CUX1: variants seen among roughly 807,000 people sequenced by gnomAD.
CUX1 encodes protein CASP.
A neutral mutation model predicts 158.8 loss-of-function variants in CUX1; 31 were observed. The observed-to-expected ratio is 0.20, with a 90% CI of 0.15 to 0.26. The LOEUF (loss-of-function observed/expected upper bound fraction) is 0.26, where lower values mean the gene tolerates loss of function less well. CUX1 is among the 10% of genes least tolerant of loss of function. The pLI, the probability that CUX1 is intolerant of heterozygous loss-of-function variation, is 1.00. For missense variants in CUX1, 1,589 were observed against 2,014.6 expected (o/e 0.79, Z 4.04); for synonymous variants, 879 against 862.1 (o/e 1.02, Z -0.34).
In CUX1 at chr7:102,270,815, A is replaced by T. The variant is rs142734672; in HGVS notation, c.1256-2551A>T. On this transcript the variant is annotated intron_variant, in intron 14 of 22. Coordinates refer to the CUX1 transcript ENST00000292538. ...CAGCTGGGAACCGGGGCAGCCTAGG[A>T]TAGAGGGTTTGCAGCCAGGATGCTC... is the stretch of plus-strand genomic sequence containing the variant. Among the ~76,000 whole-genome samples, 551 of 152,322 alleles carry T rather than the reference A, an allele frequency of 3.6e-3. 12 individuals are homozygous for T. The highest frequency in any genetic ancestry group is 0.029 in the Admixed American group (444 of 15,294).
chr7:101,821,814 A>G (rs1377745918), intron 1 of CUX1, among the ~76,000 whole-genome samples: 2 of 142,596 alleles, frequency 1.4e-5, no homozygotes, highest in African/African-American at 5.3e-5. Context: ...AGCTGGGACG[A>G]TAGGCGCCCG....
intron 2 of CUX1, among the ~76,000 whole-genome samples, chr7:101,967,492 T>G (rs963712329): frequency 1.3e-5 from 2 of 152,224 alleles, no homozygotes; most frequent in African/African-American, 4.8e-5. Context: ...TAAAAGCTTC[T>G]TGTCTGTGTG....
intron 1 of CUX1, among the ~76,000 whole-genome samples, chr7:101,828,974 G>C (rs1406092410): frequency 6.6e-6 from 1 of 150,432 alleles, no homozygotes; most frequent in Non-Finnish European, 1.5e-5. Context: ...GGGCTGGTGG[G>C]AGGGAATTCC....
chr7:101,901,536 C>T (rs879737988), intron 1 of CUX1, among the ~76,000 whole-genome samples: 2 of 152,128 alleles, frequency 1.3e-5, no homozygotes, highest in Non-Finnish European at 2.9e-5. Flanking sequence ...CTCAGGTGAT[C>T]CACCTGCCTC....
intron 1 of CUX1, among the ~76,000 whole-genome samples, chr7:101,896,174 G>T (rs376181846): frequency 2.0e-5 from 3 of 152,138 alleles, no homozygotes; most frequent in South Asian, 4.2e-4. Context: ...GATTACAGGT[G>T]TGAGCCACCA....
At chr7:102,077,528 TAAAAAAAAAA>T (rs35999980) in intron 4 of CUX1, among the ~76,000 whole-genome samples, 4 of 113,958 alleles carry the variant, frequency 3.5e-5, no homozygotes, top group African/African-American at 9.9e-5. Context: ...CCCATCTCTT[TAAAAAAAAAA>T]AAAAAAAAAA....
chr7:102,072,745 A>G (rs1275588973), intron 4 of CUX1, among the ~76,000 whole-genome samples: 3 of 152,120 alleles, frequency 2.0e-5, no homozygotes, highest in Non-Finnish European at 4.4e-5. Flanking sequence ...TTCCTGCCTC[A>G]AGAGCACTGT....
rs1397872828 is a variant in CUX1, at chr7:102,252,490, A to G, written c.*3448A>G. On this transcript the variant is annotated 3_prime_UTR_variant, in exon 24 of 24. Coordinates refer to ENST00000292535, the MANE Select transcript of CUX1 (RefSeq NM_181552.4). ...ACACTAACACTTAATTACAAGCTCC[A>G]TTATGCCATTTTAAATGGCTTCTTT... 3 of 985,348 alleles carry G rather than the reference A, an allele frequency of 3.0e-6. No homozygotes were observed. Among genetic ancestry groups the G allele is most frequent in the African/African-American group, 3.5e-5 (2 of 57,250 alleles). The allele number at this position is 985,348 out of a possible 1,614,324, so 61.0% of individuals were successfully genotyped here.
At chr7:102,283,125 C>T (rs782522795) in exon 23 of CUX1, 38 of 1,542,388 alleles carry the variant, frequency 2.5e-5, no homozygotes, top group South Asian at 1.2e-4. Context: ...GTGACGGCTG[C>T]GCCTCCACCC....
At chr7:101,920,123 T>C (rs1463836491) in intron 2 of CUX1, among the ~76,000 whole-genome samples, 2 of 92,618 alleles carry the variant, frequency 2.2e-5, no homozygotes, top group Non-Finnish European at 4.4e-5. Context: ...TTTATTTTTA[T>C]GTGTTTTTTT....
At chr7:102,080,490 C>T (rs1456582088) in intron 4 of CUX1, among the ~76,000 whole-genome samples, 1 of 152,128 alleles carries the variant, frequency 6.6e-6, no homozygotes. Context: ...GATGTCATCG[C>T]GGGGACGGTG....
chr7:102,020,231 A>G (rs1819183480), intron 2 of CUX1, among the ~76,000 whole-genome samples: 3 of 152,234 alleles, frequency 2.0e-5, no homozygotes, highest in Admixed American at 2.0e-4. Flanking sequence ...TTTCTATCAC[A>G]AGGACTGGAA....
intron 20 of CUX1, among the ~76,000 whole-genome samples, chr7:102,223,939 G>A (rs961452666): frequency 6.6e-6 from 1 of 152,148 alleles, no homozygotes; most frequent in Non-Finnish European, 1.5e-5. Context: ...ACTCCAGCCT[G>A]GGCAACAGAG....
At chr7:101,943,010 G>A (rs550626839) in intron 2 of CUX1, among the ~76,000 whole-genome samples, 1 of 149,108 alleles carries the variant, frequency 6.7e-6, no homozygotes, top group African/African-American at 2.5e-5. Context: ...ACCCATGTTC[G>A]TTGTGGCTTA....
chr7:101,824,159 C>G (rs1584655136), intron 1 of CUX1, among the ~76,000 whole-genome samples: 1 of 152,228 alleles, frequency 6.6e-6, no homozygotes, highest in South Asian at 2.1e-4. Context: ...ACAAACTCCG[C>G]TCACCGCAAC....
intron 3 of CUX1, among the ~76,000 whole-genome samples, chr7:102,030,255 G>T (rs565346300): frequency 2.0e-5 from 3 of 151,972 alleles, no homozygotes; most frequent in Non-Finnish European, 4.4e-5. Flanking sequence ...CAGGTGATCC[G>T]CCCGCTTCGA....
intron 8 of CUX1, among the ~76,000 whole-genome samples, chr7:102,149,862 T>C (rs1321332376): frequency 1.3e-5 from 2 of 152,076 alleles, no homozygotes; most frequent in Non-Finnish European, 2.9e-5. Context: ...AGCAACCTGC[T>C]CTTTCTGGAC....
At chr7:101,862,800 G>C (rs1056753246) in intron 1 of CUX1, among the ~76,000 whole-genome samples, 1 of 151,910 alleles carries the variant, frequency 6.6e-6, no homozygotes, top group East Asian at 1.9e-4. Context: ...AGCTCCCAAA[G>C]TTTAGAGCTC....
Position 102,251,512 on chromosome 7 carries a change from C to T in CUX1, c.*2470C>T. 5.1e-6 allele frequency: 5 copies of T among 985,336 alleles called. No individual in the cohort carries two copies. The highest frequency in any genetic ancestry group is 6.0e-6 in the Non-Finnish European group (5 of 829,878). 61.0% of individuals were successfully genotyped at this position (985,336 alleles called of 1,614,324 possible). ...CAGAAGGCTCTAGGGGGCTGGGAGG[C>T]AGGCTGTTCGTTTGTCTTTTGTTGG... On this transcript the variant is annotated 3_prime_UTR_variant, in exon 24 of 24. Transcript: ENST00000292535.
Sources: gnomAD v4.1 joint callset for allele counts (sites outside exome capture counted in the v4.1 genomes callset) on GRCh38, gnomAD v4.1.1 for gene constraint, MANE v1.5 for transcripts, NCBI Gene and HGNC (gene_info 2026-07-23, HGNC 2026-07-21) for gene names.